The following AK4 variants were observed in gnomAD, a reference collection of about 807,000 sequenced individuals.
AK4 encodes adenylate kinase 4, mitochondrial.
AK4 carries 13 observed loss-of-function variants against 24.6 expected under a neutral mutation model. That is an observed-to-expected ratio of 0.53 (90% CI 0.34 to 0.84). AK4 has a LOEUF of 0.84. Among genes scored for constraint, AK4 ranks in the 40% least tolerant of loss-of-function variants. The pLI is 0.01. For missense variants in AK4, 192 were observed against 288.2 expected (o/e 0.67, Z 2.42); for synonymous variants, 88 against 107.0 (o/e 0.82, Z 1.10).
chr1:65,172,817 C>G (rs969730070), intron 1 of AK4, among the ~76,000 whole-genome samples: 1 of 147,960 alleles, frequency 6.8e-6, no homozygotes, highest in Non-Finnish European at 1.5e-5. Flanking sequence ...TCTTCTTCTT[C>G]GCTATTTCTA....
chr1:65,219,901 C>CT (rs1652245854), intron 3 of AK4, among the ~76,000 whole-genome samples: 2 of 152,092 alleles, frequency 1.3e-5, no homozygotes, highest in Admixed American at 6.6e-5. Flanking sequence ...CTATTAATTC[C>CT]TCCCTGATTT....
chr1:65,151,073 C>A (rs1197817495), intron 1 of AK4, among the ~76,000 whole-genome samples: 2 of 152,164 alleles, frequency 1.3e-5, no homozygotes, highest in Non-Finnish European at 2.9e-5. Context: ...CTTGCTTCAG[C>A]CTCCCAAGTA....
intron 1 of AK4, among the ~76,000 whole-genome samples, chr1:65,161,891 G>A (rs980073450): frequency 6.6e-6 from 1 of 152,128 alleles, no homozygotes; most frequent in African/African-American, 2.4e-5. Flanking sequence ...GGCGTTAGAG[G>A]CCTCTTTGAG....
chr1:65,184,657 A>G (rs1651026279), intron 1 of AK4, among the ~76,000 whole-genome samples: 1 of 152,204 alleles, frequency 6.6e-6, no homozygotes, highest in African/African-American at 2.4e-5. Flanking sequence ...CATGCATGCT[A>G]TCATCAGCAT....
At chr1:65,192,778 G>T (rs183269482) in intron 2 of AK4, among the ~76,000 whole-genome samples, 3 of 152,292 alleles carry the variant, frequency 2.0e-5, no homozygotes, top group African/African-American at 7.2e-5. Context: ...GAAGAAATAG[G>T]CAAGAAGAAA....
At chr1:65,168,512 G>A (rs1251026313) in intron 1 of AK4, among the ~76,000 whole-genome samples, 1 of 152,076 alleles carries the variant, frequency 6.6e-6, no homozygotes, top group Non-Finnish European at 1.5e-5. Flanking sequence ...GGTGGGTCTT[G>A]AACTCCTGGC....
chr1:65,175,217 C>G (rs1650671472), intron 1 of AK4, among the ~76,000 whole-genome samples: 1 of 152,202 alleles, frequency 6.6e-6, no homozygotes, highest in African/African-American at 2.4e-5. Flanking sequence ...CTTGTCCTTG[C>G]TGATTGCTGA....
At chr1:65,167,999 C>T (rs571177216) in intron 1 of AK4, among the ~76,000 whole-genome samples, 1 of 152,230 alleles carries the variant, frequency 6.6e-6, no homozygotes, top group East Asian at 1.9e-4. Flanking sequence ...GAAAAATAGC[C>T]CCAGTTCTCT....
chr1:65,183,527 G>A (rs1023573353), intron 1 of AK4, among the ~76,000 whole-genome samples: 1 of 152,170 alleles, frequency 6.6e-6, no homozygotes, highest in African/African-American at 2.4e-5. Context: ...TTACAGGCGT[G>A]AGCCACTGTT....
chr1:65,184,319 G>GGAATCTGACAT (rs1377840118), intron 1 of AK4, among the ~76,000 whole-genome samples: 2 of 151,942 alleles, frequency 1.3e-5, no homozygotes, highest in Non-Finnish European at 2.9e-5. Context: ...TATAATGTTT[G>GGAATCTGACAT]GAATCTGACA....
At position 65,229,867 on chromosome 1, in the gene AK4, C is replaced by T. The variant is rs1652581733; in HGVS notation, c.*3690C>T. ...GCTATCCAGATCCTGCTCACTTTTC[C>T]TTCCTGAGATCAGAACAAATCACCC... On this transcript the variant is annotated 3_prime_UTR_variant, in exon 5 of 5. Transcript: ENST00000327299. The T allele has an allele frequency of 6.6e-6, 1 of 152,240 alleles. No homozygotes were observed. The highest frequency in any genetic ancestry group is 2.4e-5 in the African/African-American group (1 of 41,436). The allele number at this position is 152,240 out of a possible 1,614,324, so 9.4% of individuals were successfully genotyped here. A position where few individuals can be genotyped will look rare whatever the true frequency, so the allele number is the denominator to read the frequency against.
chr1:65,209,640 A>G (rs1651914072), intron 2 of AK4, among the ~76,000 whole-genome samples: 1 of 152,106 alleles, frequency 6.6e-6, no homozygotes, highest in Non-Finnish European at 1.5e-5. Context: ...GTACACCTGA[A>G]TTGCTTTGAT....
At chr1:65,200,640 G>A (rs759495559) in intron 2 of AK4, among the ~76,000 whole-genome samples, 1 of 152,140 alleles carries the variant, frequency 6.6e-6, no homozygotes, top group Non-Finnish European at 1.5e-5. Flanking sequence ...AATGCTCCCA[G>A]GTGATCGCAT....
intron 1 of AK4, among the ~76,000 whole-genome samples, chr1:65,175,305 A>G (rs1396901747): frequency 6.6e-6 from 1 of 152,160 alleles, no homozygotes; most frequent in East Asian, 1.9e-4. Context: ...AGCAGCACAC[A>G]TTTTTGGAGC....
rs57973152 is a variant in AK4, at chr1:65,207,559, T to G, written c.266-11195T>G. On this transcript the variant is annotated intron_variant, in intron 2 of 4. Coordinates refer to ENST00000327299, the MANE Select transcript of AK4 (RefSeq NM_013410.4). ...ATCTGGAGCACAGCTGCTGTTTTTT[T>G]TTTTTTTTTCCTTCTACTTTCATTT... 6.8e-3 allele frequency among the ~76,000 whole-genome samples: 1,028 copies of G among 151,802 alleles called. 13 individuals are homozygous for G. The highest frequency in any genetic ancestry group is 0.024 in the African/African-American group (978 of 41,328).
At chr1:65,217,573 AT>A (rs1652170441) in intron 2 of AK4, among the ~76,000 whole-genome samples, 1 of 152,184 alleles carries the variant, frequency 6.6e-6, no homozygotes, top group Non-Finnish European at 1.5e-5. Context: ...AACTGGAGTG[AT>A]TTGTTTAGGA....
upstream of AK4, chr1:65,148,115 C>T (rs1263049004): frequency 6.5e-6 from 3 of 459,504 alleles, no homozygotes; most frequent in South Asian, 4.1e-5. Flanking sequence ...GGGCGGGGCA[C>T]GGCGCGCTTC....
At chr1:65,197,632 G>A (rs1164998187) in intron 2 of AK4, among the ~76,000 whole-genome samples, 1 of 152,156 alleles carries the variant, frequency 6.6e-6, no homozygotes, top group Non-Finnish European at 1.5e-5. Context: ...TTCCCTGAGA[G>A]CTAAATGATT....
At chr1:65,185,149 T>A (rs865972922) in intron 1 of AK4, among the ~76,000 whole-genome samples, 6 of 152,120 alleles carry the variant, frequency 3.9e-5, no homozygotes, top group Admixed American at 1.3e-4. Flanking sequence ...TGTGCTTGGA[T>A]TATTATCGCA....
Sources: allele counts gnomAD v4.1 joint callset (sites outside exome capture counted in the v4.1 genomes callset), GRCh38; gene constraint gnomAD v4.1.1; transcripts MANE v1.5; gene names NCBI Gene and HGNC (gene_info 2026-07-23, HGNC 2026-07-21).